Variants in CYP4X1 observed in about 807,000 individuals in gnomAD.
CYP4X1 encodes cytochrome P450 family 4 subfamily X member 1.
In CYP4X1, 44 loss-of-function variants were observed where a neutral mutation model predicts 57.9. That is an observed-to-expected ratio of 0.76 (90% CI 0.60 to 0.98). CYP4X1 has a LOEUF of 0.98. CYP4X1 is among the 50% of genes least tolerant of loss of function. The pLI is 0.00. For missense variants in CYP4X1, 532 were observed against 623.9 expected (o/e 0.85, Z 1.57); for synonymous variants, 227 against 228.6 (o/e 0.99, Z 0.06).
the CYP4X1 span, among the ~76,000 whole-genome samples, chr1:46,977,332 C>G: frequency 6.6e-6 from 1 of 151,982 alleles, no homozygotes. Context: ...GATACATGCA[C>G]AAGCTTCAGT....
intron 1 of CYP4X1, 111 bp from the exon 2 acceptor site, chr1:47,029,879 C>G: frequency 8.2e-7 from 1 of 1,226,498 alleles, no homozygotes; most frequent in Non-Finnish European, 1.1e-6. Flanking sequence ...CCAGAAAAGT[C>G]TCAGGCTCCT....
chr1:47,035,988 T>A (rs1557605647), intron 5 of CYP4X1, 29 bp from the exon 6 acceptor site: 1 of 1,610,972 alleles, frequency 6.2e-7, no homozygotes, highest in Admixed American at 1.7e-5. Flanking sequence ...AGTTGTTTAT[T>A]AACACATTAT....
rs752372409 is a variant in CYP4X1 at position 47,033,288 on chromosome 1, C to T, written c.412C>T (p.Arg138Cys). ...LDGPKWFQHR[R>C]LLTPGFHFNI... ...CGGACCCAAGTGGTTCCAGCATCGTCGCCTACTAACTCCTGGATTCCATTT... is the reference window on the plus strand; with the variant it reads ...CGGACCCAAGTGGTTCCAGCATCGTTGCCTACTAACTCCTGGATTCCATTT... Residue 138 changes from arginine (R) to cysteine (C), a missense_variant, in exon 4 of 12, where the codon CGC becomes TGC. Transcript: ENST00000371901. 1.9e-5 allele frequency: 30 copies of T among 1,613,630 alleles called. No homozygotes were observed. The East Asian group carries it at 3.1e-4, about 17-fold the overall frequency.
the CYP4X1 span, among the ~76,000 whole-genome samples, chr1:47,017,985 T>C: frequency 6.6e-6 from 1 of 152,146 alleles, no homozygotes; most frequent in Non-Finnish European, 1.5e-5. Flanking sequence ...GTCTCAAATT[T>C]TGGGGGTTCA....
the CYP4X1 span, among the ~76,000 whole-genome samples, chr1:47,004,381 G>T: frequency 4.5e-4 from 68 of 152,270 alleles, no homozygotes; most frequent in African/African-American, 1.4e-3. Flanking sequence ...TAAGCCCAAA[G>T]TTTGGGATTT....
chr1:47,040,007 A>C (rs1294870737), intron 8 of CYP4X1, among the ~76,000 whole-genome samples: 2 of 140,156 alleles, frequency 1.4e-5, no homozygotes, highest in East Asian at 7.5e-4. Context: ...ATTCGATGAT[A>C]TATACTATAG....
chr1:47,045,711 A>C (rs983997599), intron 8 of CYP4X1, among the ~76,000 whole-genome samples: 1 of 152,222 alleles, frequency 6.6e-6, no homozygotes, highest in Non-Finnish European at 1.5e-5. Flanking sequence ...GATCATGCCA[A>C]AGGGCTTGGT....
the CYP4X1 span, among the ~76,000 whole-genome samples, chr1:46,967,360 T>G: frequency 2.6e-5 from 4 of 152,118 alleles, no homozygotes; most frequent in Non-Finnish European, 5.9e-5. Flanking sequence ...ACAGCACCAA[T>G]AGGAAACTCA....
chr1:46,976,301 C>T, the CYP4X1 span, among the ~76,000 whole-genome samples: 72 of 152,288 alleles, frequency 4.7e-4, no homozygotes, highest in South Asian at 1.4e-3. Context: ...TTATATCCCA[C>T]GCCTGGATCC....
chr1:47,023,940 G>C lies in CYP4X1; in HGVS notation c.123G>C (p.Arg41=). 1 of 1,613,458 alleles carries C rather than the reference G, an allele frequency of 6.2e-7. No homozygotes were observed. The highest frequency in any genetic ancestry group is 8.5e-7 in the Non-Finnish European group (1 of 1,179,944). The change falls in exon 1 of 12, where the codon CGG becomes CGC. Residue 41 remains arginine (R), a synonymous_variant. Transcript: ENST00000371901. ...KLYLRRQRLL[R]DLRPFPAPPT... The stretch of plus-strand genomic sequence containing the variant: ...ACCTGCGGAGGCAGCGGCTGCTGCG[G>C]GACCTGCGCCCCTTCCCAGCGCCCC...
chr1:47,041,292 C>G (rs755018945), intron 8 of CYP4X1, among the ~76,000 whole-genome samples: 1 of 152,110 alleles, frequency 6.6e-6, no homozygotes, highest in Non-Finnish European at 1.5e-5. Flanking sequence ...GATTTCATTT[C>G]GTTTGGTTGT....
chr1:46,996,559 G>T, the CYP4X1 span, among the ~76,000 whole-genome samples: 5 of 152,230 alleles, frequency 3.3e-5, no homozygotes, highest in Non-Finnish European at 7.3e-5. Context: ...AATGTTTAAT[G>T]ATATGAATAA....
chr1:46,996,012 C>T, the CYP4X1 span, among the ~76,000 whole-genome samples: 1 of 152,192 alleles, frequency 6.6e-6, no homozygotes, highest in African/African-American at 2.4e-5. Context: ...TTGGCTGTTT[C>T]TGTCTTTGGG....
At chr1:47,030,900 A>G (rs1644117432) in intron 2 of CYP4X1, among the ~76,000 whole-genome samples, 2 of 152,086 alleles carry the variant, frequency 1.3e-5, no homozygotes, top group African/African-American at 4.8e-5. Context: ...AGGAGTGGGA[A>G]GTGTTGCTGA....
chr1:46,991,196 T>C, the CYP4X1 span, among the ~76,000 whole-genome samples: 54 of 152,224 alleles, frequency 3.5e-4, 1 homozygote, highest in Non-Finnish European at 7.1e-4. Context: ...AAAGAAGCCC[T>C]ACACTTCAAA....
At chr1:46,983,850 G>A in the CYP4X1 span, among the ~76,000 whole-genome samples, 11 of 152,166 alleles carry the variant, frequency 7.2e-5, no homozygotes, top group African/African-American at 2.7e-4. Flanking sequence ...GAGTGGGGTG[G>A]CTTCACTGGG....
chr1:47,050,584 A>G lies in CYP4X1; in HGVS notation c.*410A>G, dbSNP rs1437580716. On this transcript the variant is annotated 3_prime_UTR_variant, in exon 12 of 12. Transcript: ENST00000371901. ...CACTTAGCCGACATTCCATGCCCTG[A>G]CCAATCCTACTGCTTTTCCTAAAAA... 6.3e-6 allele frequency: 1 copy of G among 159,036 alleles called. No individual in the cohort carries two copies. The highest frequency in any genetic ancestry group is 2.4e-5 in the African/African-American group (1 of 41,490). 9.9% of individuals were successfully genotyped at this position (159,036 alleles called of 1,614,324 possible).
At chr1:46,993,107 G>T in the CYP4X1 span, among the ~76,000 whole-genome samples, 22 of 115,542 alleles carry the variant, frequency 1.9e-4, no homozygotes, top group Non-Finnish European at 2.3e-4. Context: ...AACAGGTCCC[G>T]GTGTGTGATG....
intron 6 of CYP4X1, among the ~76,000 whole-genome samples, chr1:47,037,159 TA>T (rs543761826): frequency 4.6e-5 from 7 of 151,128 alleles, no homozygotes; most frequent in South Asian, 2.1e-4. Context: ...CAGAACTTTG[TA>T]AAAAAAAATC....
Sources: allele counts gnomAD v4.1 joint callset (sites outside exome capture counted in the v4.1 genomes callset), GRCh38; gene constraint gnomAD v4.1.1; transcripts MANE v1.5; gene names NCBI Gene and HGNC (gene_info 2026-07-23, HGNC 2026-07-21).